Variants in ALG13 observed in about 807,000 individuals in gnomAD.
The protein encoded by ALG13 is UDP-N-acetylglucosamine transferase subunit ALG13.
Under a neutral mutation model 87.8 loss-of-function variants are expected in ALG13, and 11 were observed. The observed-to-expected ratio is 0.13, with a 90% CI of 0.08 to 0.21. The LOEUF is 0.21. Ranked by LOEUF, ALG13 falls within the 10% of genes least tolerant of loss-of-function variation. The probability of loss-of-function intolerance (pLI) is 1.00; values close to 1 mark genes in which losing one functional copy is unlikely to be tolerated. For missense variants in ALG13, 756 were observed against 866.1 expected, an observed-to-expected ratio of 0.87 and a Z score of 1.60; for synonymous variants, 320 against 306.3, an observed-to-expected ratio of 1.04 and a Z score of -0.47.
At chrX:111,731,068 T>C (rs997415559) in intron 21 of ALG13, among the ~76,000 whole-genome samples, 8 of 112,352 alleles carry the variant, frequency 7.1e-5, no homozygotes, top group African/African-American at 2.6e-4. Context: ...TCTTAACTTT[T>C]CTGTGCTGGA....
chrX:111,721,739 G>C (rs1281897784), intron 12 of ALG13, 28 bp downstream of exon 12: 1 of 1,017,599 alleles, frequency 9.8e-7, no homozygotes, highest in African/African-American at 1.9e-5. Flanking sequence ...GGATACTTTT[G>C]AATCCTGACA....
At chrX:111,747,655 T>A (rs1322590126) in intron 24 of ALG13, among the ~76,000 whole-genome samples, 1 of 110,636 alleles carries the variant, frequency 9.0e-6, no homozygotes, top group African/African-American at 3.3e-5. Context: ...CCTGGCTAAT[T>A]TTTGTATTTT....
intron 21 of ALG13, among the ~76,000 whole-genome samples, chrX:111,733,858 G>A (rs938435924): frequency 1.8e-5 from 2 of 111,661 alleles, no homozygotes; most frequent in Non-Finnish European, 1.9e-5. Flanking sequence ...TTGCAGGAGC[G>A]AGGCGGTATC....
chrX:111,722,716 A>G, intron 12 of ALG13, 77 bp from the exon 13 acceptor site: 1 of 731,864 alleles, frequency 1.4e-6, no homozygotes, highest in Non-Finnish European at 2.1e-6. Context: ...CACTACGGTA[A>G]AAGTAAATGA....
chrX:111,685,726 G>A (rs1934762233), intron 3 of ALG13, among the ~76,000 whole-genome samples: 1 of 112,122 alleles, frequency 8.9e-6, no homozygotes, highest in Non-Finnish European at 1.9e-5. Context: ...TAGCTGGGGT[G>A]AAGACTGATT....
chrX:111,732,142 T>A (rs746747738), intron 21 of ALG13, among the ~76,000 whole-genome samples: 1 of 111,813 alleles, frequency 8.9e-6, no homozygotes, highest in South Asian at 3.8e-4. Flanking sequence ...AACTACTAAT[T>A]CTCTCCTACA....
intron 8 of ALG13, among the ~76,000 whole-genome samples, 190 bp downstream of exon 8, chrX:111,713,487 G>T (rs916922464): frequency 1.8e-5 from 2 of 111,312 alleles, no homozygotes; most frequent in Non-Finnish European, 1.9e-5. Flanking sequence ...AGACCTGATC[G>T]TCATTTCTCT....
intron 3 of ALG13, among the ~76,000 whole-genome samples, chrX:111,702,408 A>G (rs1354700675): frequency 9.0e-6 from 1 of 111,585 alleles, no homozygotes; most frequent in African/African-American, 3.3e-5. Context: ...TATTATTCAC[A>G]TCTGAGCCAT....
chrX:111,685,252 C>A, intron 3 of ALG13, 149 bp downstream of exon 3: 1 of 610,789 alleles, frequency 1.6e-6, no homozygotes, highest in South Asian at 3.1e-5. Flanking sequence ...AAAATCCTCC[C>A]ATTTGTTTGT....
chrX:111,686,775 C>G (rs1935048150), intron 3 of ALG13, among the ~76,000 whole-genome samples: 1 of 112,270 alleles, frequency 8.9e-6, no homozygotes, highest in Admixed American at 9.5e-5. Context: ...AAGGAAAACA[C>G]TGATTTCATA....
intron 3 of ALG13, among the ~76,000 whole-genome samples, chrX:111,700,638 G>T (rs759470977): frequency 9.4e-6 from 1 of 106,399 alleles, no homozygotes; most frequent in Non-Finnish European, 1.9e-5. Flanking sequence ...GTGCAATGGC[G>T]TGATCTCGGC....
At chrX:111,733,319 C>A (rs1229224085) in intron 21 of ALG13, among the ~76,000 whole-genome samples, 2 of 110,817 alleles carry the variant, frequency 1.8e-5, no homozygotes, top group Non-Finnish European at 3.8e-5. Flanking sequence ...TCCCCAAAGT[C>A]CATTGTATCA....
intron 22 of ALG13, among the ~76,000 whole-genome samples, chrX:111,736,320 T>C (rs1348942117): frequency 9.0e-6 from 1 of 110,951 alleles, no homozygotes; most frequent in African/African-American, 3.3e-5. Flanking sequence ...AGGTGTTTGC[T>C]TGTGTGGGGC....
Position 111,686,727 on chromosome X carries a change from A to C in ALG13, c.383+1624A>C, listed in dbSNP as rs182475419. 1.0e-3 allele frequency among the ~76,000 whole-genome samples: 114 copies of C among 112,455 alleles called. No individual in the cohort carries two copies. The East Asian group carries it at 0.012, about 12-fold the overall frequency. On this transcript the variant is annotated intron_variant, in intron 3 of 26. Transcript: ENST00000394780. ...ACTTTTAATTAGTATTTTCATTCTA[A>C]ATGTTAAATCAGCTTTGATTTTGTG...
intron 25 of ALG13, among the ~76,000 whole-genome samples, chrX:111,755,840 A>T (rs1351157863): frequency 8.9e-6 from 1 of 112,535 alleles, no homozygotes; most frequent in East Asian, 2.8e-4. Context: ...TAGTTCAACC[A>T]TTGTGGAAGA....
rs752152907 is a variant in ALG13, at chrX:111,681,215, C to T, written c.-4C>T. 9 of 1,210,935 alleles carry T rather than the reference C, an allele frequency of 7.4e-6. No individual in the cohort carries two copies. The highest frequency in any genetic ancestry group is 1.7e-5 in the African/African-American group (1 of 57,927). On this transcript the variant is annotated 5_prime_UTR_variant, in exon 1 of 27. Coordinates refer to ENST00000394780, the MANE Select transcript of ALG13 (RefSeq NM_001099922.3). ...TTGCGATCAGGGCTTGAGGAACCCG[C>T]GCCATGAAGTGCGTGTTTGTTACCG...
intron 19 of ALG13, 92 bp from the exon 20 acceptor site, chrX:111,730,303 C>A: frequency 1.3e-6 from 1 of 784,657 alleles, no homozygotes; most frequent in Non-Finnish European, 1.9e-6. Context: ...AACCATAAAA[C>A]TGGTGGAAAA....
intron 3 of ALG13, among the ~76,000 whole-genome samples, chrX:111,693,461 G>A (rs1158032982): frequency 1.8e-5 from 2 of 109,445 alleles, no homozygotes; most frequent in African/African-American, 6.7e-5. Flanking sequence ...GGCCAGGCTG[G>A]TCTTAAACTC....
At chrX:111,726,296 C>T (rs926837020) in intron 15 of ALG13, among the ~76,000 whole-genome samples, 2 of 91,016 alleles carry the variant, frequency 2.2e-5, no homozygotes, top group Admixed American at 1.4e-4. Flanking sequence ...TGCAGTTGTG[C>T]GATCTTGGCT....
Sources: allele counts gnomAD v4.1 joint callset (sites outside exome capture counted in the v4.1 genomes callset), GRCh38; gene constraint gnomAD v4.1.1; transcripts MANE v1.5; gene names NCBI Gene and HGNC (gene_info 2026-07-23, HGNC 2026-07-21).